Variants in LDLRAD3 observed in about 807,000 individuals in gnomAD.
The protein encoded by LDLRAD3 is low-density lipoprotein receptor class A domain-containing protein 3.
A neutral mutation model predicts 29.4 loss-of-function variants in LDLRAD3; 20 were observed. The ratio of observed to expected loss-of-function variants is 0.68; its 90% CI spans 0.48 to 0.99. The LOEUF (loss-of-function observed/expected upper bound fraction) is 0.99, where lower values mean the gene tolerates loss of function less well. Ranked by LOEUF, LDLRAD3 falls within the 50% of genes least tolerant of loss-of-function variation. The pLI is 0.00. For synonymous variants in LDLRAD3, 157 were observed against 192.7 expected (o/e 0.81, Z 1.53); for missense variants, 420 against 454.3 (o/e 0.92, Z 0.69).
intron 1 of LDLRAD3, among the ~76,000 whole-genome samples, chr11:35,955,830 G>A (rs1404901864): frequency 6.6e-6 from 1 of 152,254 alleles, no homozygotes; most frequent in Non-Finnish European, 1.5e-5. Context: ...TGGGAATGGG[G>A]AAGTGCTCAT....
At chr11:36,122,012 A>G (rs1853766418) in intron 4 of LDLRAD3, among the ~76,000 whole-genome samples, 2 of 152,172 alleles carry the variant, frequency 1.3e-5, no homozygotes, top group Non-Finnish European at 2.9e-5. Context: ...AGGAGGGGAA[A>G]GTGAGGTTAA....
At chr11:36,039,379 T>G (rs1378857205) in intron 2 of LDLRAD3, among the ~76,000 whole-genome samples, 1 of 152,184 alleles carries the variant, frequency 6.6e-6, no homozygotes. Flanking sequence ...GGCTGTGTGA[T>G]CGTGGGAAAC....
chr11:36,007,788 A>G (rs1455731341), intron 1 of LDLRAD3, among the ~76,000 whole-genome samples: 2 of 152,088 alleles, frequency 1.3e-5, no homozygotes, highest in Non-Finnish European at 2.9e-5. Context: ...GTCCTCGTAA[A>G]TTTTCTTTCT....
chr11:36,140,117 G>A (rs1423633688), intron 4 of LDLRAD3, among the ~76,000 whole-genome samples: 2 of 152,204 alleles, frequency 1.3e-5, no homozygotes, highest in East Asian at 1.9e-4. Flanking sequence ...GATTTGTTTT[G>A]TCTTGGAAAG....
intron 4 of LDLRAD3, among the ~76,000 whole-genome samples, chr11:36,120,866 G>C (rs1189204692): frequency 6.6e-6 from 1 of 152,202 alleles, no homozygotes; most frequent in African/African-American, 2.4e-5. Flanking sequence ...TAGAAAAGGG[G>C]TACAAGGGAG....
chr11:36,009,721 CTA>C (rs1851931275), intron 1 of LDLRAD3, among the ~76,000 whole-genome samples: 2 of 152,288 alleles, frequency 1.3e-5, no homozygotes, highest in East Asian at 1.9e-4. Flanking sequence ...GCAGAAAATT[CTA>C]TGAGTCACTT....
chr11:36,217,833 C>A (rs1437619621), intron 4 of LDLRAD3, among the ~76,000 whole-genome samples: 1 of 152,184 alleles, frequency 6.6e-6, no homozygotes, highest in Non-Finnish European at 1.5e-5. Context: ...CTTCGCATGG[C>A]CTTTGCCCTT....
Position 36,229,487 on chromosome 11 carries a change from C to A in LDLRAD3, c.*90C>A. On this transcript the variant is annotated 3_prime_UTR_variant, in exon 6 of 6. Transcript: ENST00000315571. ...GTGCTCATGGGAAGCTCTTTAAGCA[C>A]CTGTAAGGGTGTCTCAAGTTACAGT... is the stretch of plus-strand genomic sequence containing the variant. 1.1e-6 allele frequency: 1 copy of A among 897,896 alleles called. No individual in the cohort carries two copies. The highest frequency in any genetic ancestry group is 1.5e-5 in the South Asian group (1 of 65,818). The allele number at this position is 897,896 out of a possible 1,614,324, so 55.6% of individuals were successfully genotyped here.
chr11:36,133,379 T>A (rs77678762), intron 4 of LDLRAD3, among the ~76,000 whole-genome samples: 1 of 44,072 alleles, frequency 2.3e-5, no homozygotes, highest in African/African-American at 6.4e-5. Flanking sequence ...TTTTCTTTTC[T>A]TTTCTTTTCT....
At chr11:35,963,208 A>G (rs896992577) in intron 1 of LDLRAD3, among the ~76,000 whole-genome samples, 3 of 152,218 alleles carry the variant, frequency 2.0e-5, no homozygotes, top group African/African-American at 7.2e-5. Context: ...GGTCCCATAG[A>G]TAGTTTTTTT....
chr11:36,013,441 A>G (rs1246375438), intron 1 of LDLRAD3, among the ~76,000 whole-genome samples: 1 of 151,926 alleles, frequency 6.6e-6, no homozygotes, highest in Admixed American at 6.6e-5. Context: ...ATTTGTCCTG[A>G]TGCTCTCCCT....
At chr11:36,045,080 C>A (rs1024107999) in intron 2 of LDLRAD3, among the ~76,000 whole-genome samples, 3 of 152,202 alleles carry the variant, frequency 2.0e-5, no homozygotes, top group African/African-American at 4.8e-5. Context: ...CCCCCTCTTG[C>A]CACTCCAGAT....
chr11:36,075,884 A>G (rs113013849), intron 2 of LDLRAD3, among the ~76,000 whole-genome samples: 52 of 152,314 alleles, frequency 3.4e-4, no homozygotes, highest in Middle Eastern at 3.4e-3. Flanking sequence ...AGCTTTGGCT[A>G]TTGGGAACTT....
In LDLRAD3 at chr11:36,082,153, T is replaced by A. The variant is rs75422677; in HGVS notation, c.319+375T>A. Among the ~76,000 whole-genome samples the A allele has an allele frequency of 8.6e-3, 1,305 of 152,370 alleles. 24 individuals carry two copies. Among genetic ancestry groups the A allele is most frequent in the African/African-American group, 0.03 (1,236 of 41,588 alleles). On this transcript the variant is annotated intron_variant, in intron 3 of 5. Transcript: ENST00000315571. Reference sequence around the variant, plus strand: ...TTCTAGGTTCATTCAGACCCTCATCTGACTGATACAACACTTAATGTTTAT... The same window carrying A: ...TTCTAGGTTCATTCAGACCCTCATCAGACTGATACAACACTTAATGTTTAT...
At chr11:36,171,059 C>G (rs1034686368) in intron 4 of LDLRAD3, among the ~76,000 whole-genome samples, 2 of 152,220 alleles carry the variant, frequency 1.3e-5, no homozygotes, top group African/African-American at 4.8e-5. Flanking sequence ...CTTGGCCTCC[C>G]AAAGTGCTGG....
At chr11:36,220,070 C>G (rs1855407625) in intron 4 of LDLRAD3, among the ~76,000 whole-genome samples, 1 of 152,164 alleles carries the variant, frequency 6.6e-6, no homozygotes, top group African/African-American at 2.4e-5. Context: ...TGAACAGATG[C>G]TCACATCATT....
In LDLRAD3 at chr11:36,230,260, G is replaced by A. The variant is rs1043142193; in HGVS notation, c.*863G>A. 1 of 152,286 alleles carries A rather than the reference G, an allele frequency of 6.6e-6. No homozygotes were observed. The highest frequency in any genetic ancestry group is 2.4e-5 in the African/African-American group (1 of 41,442). 9.4% of individuals were successfully genotyped at this position (152,286 alleles called of 1,614,324 possible). On this transcript the variant is annotated 3_prime_UTR_variant, in exon 6 of 6. Transcript: ENST00000315571. ...CCCAGCTGACCTGCCCGTAGCCAAG[G>A]AATGAGGACCTAACTTGAGTTGGCC...
At chr11:35,983,143 C>T (rs1045092472) in intron 1 of LDLRAD3, among the ~76,000 whole-genome samples, 3 of 152,052 alleles carry the variant, frequency 2.0e-5, no homozygotes, top group African/African-American at 4.8e-5. Context: ...CGTGAGCCAC[C>T]GCTCCTGGCC....
At chr11:36,035,091 A>G (rs976953661) in intron 1 of LDLRAD3, among the ~76,000 whole-genome samples, 34 of 152,126 alleles carry the variant, frequency 2.2e-4, no homozygotes, top group African/African-American at 7.7e-4. Context: ...ACATAGCACA[A>G]GTATCTGGTC....
Sources: allele counts gnomAD v4.1 joint callset (sites outside exome capture counted in the v4.1 genomes callset), GRCh38; gene constraint gnomAD v4.1.1; transcripts MANE v1.5; gene names NCBI Gene and HGNC (gene_info 2026-07-23, HGNC 2026-07-21).